BNIP2: variants seen among roughly 807,000 people sequenced by gnomAD.
BNIP2 encodes the protein BCL2/adenovirus E1B 19 kDa protein-interacting protein 2.
A neutral mutation model predicts 43.4 loss-of-function variants in BNIP2; 36 were observed. The ratio of observed to expected loss-of-function variants is 0.83; its 90% CI spans 0.64 to 1.10. BNIP2 has a LOEUF of 1.10. Ranked by LOEUF, BNIP2 falls within the 50% of genes least tolerant of loss-of-function variation. BNIP2 has a pLI of 0.00. For synonymous variants in BNIP2, 146 were observed against 121.0 expected, an observed-to-expected ratio of 1.21 and a Z score of -1.35; for missense variants, 417 against 374.1, an observed-to-expected ratio of 1.11 and a Z score of -0.95.
chr15:59,681,500 G>C (rs1429397701), intron 2 of BNIP2, among the ~76,000 whole-genome samples: 2 of 149,770 alleles, frequency 1.3e-5, no homozygotes. Context: ...CCAAGCTGGA[G>C]TGCAGCAGCG....
In BNIP2 at chr15:59,660,635, C is replaced by G. The variant is rs1169178662; in HGVS notation, c.*3434G>C. On this transcript the variant is annotated 3_prime_UTR_variant, in exon 10 of 10. Coordinates refer to ENST00000607373, the MANE Select transcript of BNIP2 (RefSeq NM_004330.4). ...AAAAGGCCTCTATCAAAAAGCAGAT[C>G]TCTTACCTTTTTAAATTCTGGAATT... 1 of 152,168 alleles carries G rather than the reference C, an allele frequency of 6.6e-6. No individual in the cohort carries two copies. The highest frequency in any genetic ancestry group is 1.5e-5 in the Non-Finnish European group (1 of 68,032). The allele number at this position is 152,168 out of a possible 1,614,324, so 9.4% of individuals were successfully genotyped here. A position where few individuals can be genotyped will look rare whatever the true frequency, so the allele number is the denominator to read the frequency against.
chr15:59,685,623 T>C (rs1372076076), intron 1 of BNIP2, among the ~76,000 whole-genome samples: 1 of 152,220 alleles, frequency 6.6e-6, no homozygotes, highest in Non-Finnish European at 1.5e-5. Context: ...TATTGAATCA[T>C]GTGTTAATAC....
chr15:59,665,778 T>C (rs575358631), intron 9 of BNIP2, among the ~76,000 whole-genome samples: 77 of 152,318 alleles, frequency 5.1e-4, no homozygotes, highest in African/African-American at 1.7e-3. Context: ...ACATTTGTAG[T>C]GGTCTGAATA....
chr15:59,678,027 G>T lies in BNIP2; in HGVS notation c.356C>A (p.Thr119Lys). 27 of 1,613,916 alleles carry T rather than the reference G, an allele frequency of 1.7e-5. No homozygotes were observed. The highest frequency in any genetic ancestry group is 2.2e-5 in the Non-Finnish European group (26 of 1,179,854). ...TCCATCTTCTTTTTCCTCTGCTGCT[G>T]TGTATTCAGTAATTGAGCCTTTCCT... is the stretch of plus-strand genomic sequence containing the variant. ...VIRKGSITEYTAAEEKEDGRR... is the reference protein window; with the variant it reads ...VIRKGSITEYKAAEEKEDGRR... The change falls in exon 5 of 10, where the codon ACA becomes AAA. Residue 119 changes from threonine (T) to lysine (K), a missense_variant. By Grantham distance (78) the Thr-to-Lys change is moderately conservative (BLOSUM62 -1). Coordinates refer to ENST00000607373, the MANE Select transcript of BNIP2 (RefSeq NM_004330.4).
Position 59,668,941 on chromosome 15 carries a change from C to A in BNIP2, c.844G>T (p.Ala282Ser), listed in dbSNP as rs1464396462. 6.2e-7 allele frequency: 1 copy of A among 1,613,680 alleles called. No homozygotes were observed. ...IRYVFNLAEL[A>S]ELVPMEYVGI... The stretch of plus-strand genomic sequence containing the variant: ...ACGTATTCCATGGGGACAAGTTCTG[C>A]TAGTTCTGCCAAATTAAACACGTAT... The change falls in exon 9 of 10, where the codon GCA (alanine) becomes TCA (serine). Residue 282 changes from alanine to serine, a missense_variant. Transcript: ENST00000607373.
chr15:59,687,006 G>A (rs775235214), intron 1 of BNIP2, among the ~76,000 whole-genome samples: 6 of 152,150 alleles, frequency 3.9e-5, no homozygotes, highest in Non-Finnish European at 7.3e-5. Flanking sequence ...GACAGAGCGA[G>A]ACTGCATCTC....
chr15:59,680,311 A>G lies in BNIP2; in HGVS notation c.51-3T>C. ...TACTATCATCTTCTGGTAAAGGTCT[A>G]GAAGACACAGGCATACTTTTTAATC... On this transcript the variant is annotated splice_region_variant and splice_polypyrimidine_tract_variant and intron_variant, in intron 2 of 9. Transcript: ENST00000607373. The G allele has an allele frequency of 6.3e-7, 1 of 1,593,654 alleles. No individual in the cohort carries two copies. Among genetic ancestry groups the G allele is most frequent in the Non-Finnish European group, 8.6e-7 (1 of 1,169,210 alleles).
chr15:59,676,747 T>C (rs1595699190), intron 5 of BNIP2: 18 of 1,378,884 alleles, frequency 1.3e-5, no homozygotes, highest in African/African-American at 1.4e-5. Flanking sequence ...GGCGGCAGAG[T>C]TGGGGTGTCA....
chr15:59,678,385 T>C (rs1893446171), intron 4 of BNIP2: 4 of 1,104,688 alleles, frequency 3.6e-6, no homozygotes, highest in South Asian at 5.1e-5. Flanking sequence ...AAAATCTTAG[T>C]ACACTGGCCT....
chr15:59,678,104 T>A lies in BNIP2; in HGVS notation c.296-17A>T, dbSNP rs1368105644. ...GAAGATCATCTGTCAAAATACAAAG[T>A]TTTTGAATCACAAATTGTTACACAA... On this transcript the variant is annotated splice_polypyrimidine_tract_variant and intron_variant, in intron 4 of 9. Coordinates refer to ENST00000607373, the MANE Select transcript of BNIP2 (RefSeq NM_004330.4). 1.3e-6 allele frequency: 2 copies of A among 1,591,812 alleles called. No individual in the cohort carries two copies. Among genetic ancestry groups the A allele is most frequent in the Admixed American group, 3.7e-5 (2 of 54,752 alleles).
At chr15:59,668,823 AAAAG>A in intron 9 of BNIP2, 65 bp downstream of exon 9, 1 of 1,299,758 alleles carries the variant, frequency 7.7e-7, no homozygotes, top group Non-Finnish European at 1.1e-6. Context: ...ATGAGTATTG[AAAAG>A]TATTATCCAT....
At chr15:59,686,373 G>C (rs919353012) in intron 1 of BNIP2, among the ~76,000 whole-genome samples, 3 of 151,524 alleles carry the variant, frequency 2.0e-5, no homozygotes, top group Non-Finnish European at 4.4e-5. Flanking sequence ...AACACAGTGA[G>C]ATCTGTCTCT....
In BNIP2 at chr15:59,680,290, A is replaced by G. The variant is rs1336046295; in HGVS notation, c.69T>C (p.Asp23=). 2.5e-6 allele frequency: 4 copies of G among 1,602,556 alleles called. No individual in the cohort carries two copies. Among genetic ancestry groups the G allele is most frequent in the East Asian group, 2.2e-5 (1 of 44,764 alleles). The change falls in exon 3 of 10, where the codon GAT becomes GAC. Residue 23 remains aspartate, a synonymous_variant. Coordinates refer to ENST00000607373, the MANE Select transcript of BNIP2 (RefSeq NM_004330.4). ...TAGCTAGTATATCTGCTTCAATACT[A>G]TCATCTTCTGGTAAAGGTCTAGAAG... ...EDFPIPLPED[D]SIEADILAIT...
chr15:59,661,830 T>C lies in BNIP2; in HGVS notation c.*2239A>G, dbSNP rs1341888094. On this transcript the variant is annotated 3_prime_UTR_variant, in exon 10 of 10. Coordinates refer to ENST00000607373, the MANE Select transcript of BNIP2 (RefSeq NM_004330.4). ...TAAATGCTCTTCCTCTAACCTACTA[T>C]TATGATCTTAAATCTTATAAAACAT... The C allele has an allele frequency of 6.6e-6, 1 of 152,246 alleles. No individual in the cohort carries two copies. The highest frequency in any genetic ancestry group is 1.5e-5 in the Non-Finnish European group (1 of 68,046). 9.4% of individuals were successfully genotyped at this position (152,246 alleles called of 1,614,324 possible). A position where few individuals can be genotyped will look rare whatever the true frequency, so the allele number is the denominator to read the frequency against.
intron 4 of BNIP2, chr15:59,679,157 A>G (rs1893493325): frequency 5.6e-6 from 1 of 180,076 alleles, no homozygotes; most frequent in Non-Finnish European, 1.2e-5. Context: ...ACAAGTAATA[A>G]GGAATACTAG....
intron 9 of BNIP2, among the ~76,000 whole-genome samples, chr15:59,665,775 T>C (rs1029035506): frequency 4.6e-5 from 7 of 152,322 alleles, no homozygotes; most frequent in Non-Finnish European, 7.4e-5. Flanking sequence ...ATTACATTTG[T>C]AGTGGTCTGA....
At chr15:59,675,980 ATTC>A (rs756045916) in intron 5 of BNIP2, among the ~76,000 whole-genome samples, 4 of 152,176 alleles carry the variant, frequency 2.6e-5, no homozygotes, top group African/African-American at 9.7e-5. Context: ...GTACTAAATA[ATTC>A]TTCTGGGACA....
chr15:59,666,960 C>T (rs532118735), intron 9 of BNIP2, among the ~76,000 whole-genome samples: 18 of 152,212 alleles, frequency 1.2e-4, no homozygotes, highest in African/African-American at 4.1e-4. Context: ...AGGCTTAATA[C>T]AGCATATTTT....
chr15:59,685,225 C>T (rs188819719), intron 1 of BNIP2, among the ~76,000 whole-genome samples: 6 of 152,186 alleles, frequency 3.9e-5, no homozygotes, highest in East Asian at 1.9e-4. Flanking sequence ...TGAGGCCGGA[C>T]GTGGTGGCTC....
Sources: allele counts gnomAD v4.1 joint callset (sites outside exome capture counted in the v4.1 genomes callset), GRCh38; gene constraint gnomAD v4.1.1; transcripts MANE v1.5; gene names NCBI Gene and HGNC (gene_info 2026-07-23, HGNC 2026-07-21).